PUS10: variants seen among roughly 807,000 people sequenced by gnomAD.
The protein encoded by PUS10 is pseudouridine synthase 10.
PUS10 carries 59 observed loss-of-function variants against 75.0 expected under a neutral mutation model. The observed-to-expected ratio is 0.79, with a 90% CI of 0.64 to 0.98. PUS10 has a LOEUF of 0.98. Among genes scored for constraint, PUS10 ranks in the 50% least tolerant of loss-of-function variants. The pLI is 0.00. For synonymous variants in PUS10, 219 were observed against 211.6 expected (o/e 1.03, Z -0.30); for missense variants, 650 against 614.4 (o/e 1.06, Z -0.61).
At chr2:60,944,426 G>A (rs1031427029) in intron 17 of PUS10, among the ~76,000 whole-genome samples, 4 of 152,158 alleles carry the variant, frequency 2.6e-5, no homozygotes, top group African/African-American at 4.8e-5. Context: ...GGAGAGGAGC[G>A]GGGGAGGTAC....
chr2:60,953,857 C>T (rs1675488144), intron 14 of PUS10, 76 bp downstream of exon 14: 2 of 1,069,318 alleles, frequency 1.9e-6, no homozygotes, highest in Admixed American at 3.5e-5. Context: ...ATTCTGGATG[C>T]AATTCCCTTA....
intron 2 of PUS10, 74 bp downstream of exon 2, chr2:61,011,691 A>C: frequency 4.3e-6 from 5 of 1,156,104 alleles, no homozygotes; most frequent in Non-Finnish European, 5.8e-6. Context: ...TGCCCTCAAA[A>C]GTACAAGCAT....
At chr2:60,965,566 C>G (rs1401637512) in intron 6 of PUS10, 82 bp from the exon 7 acceptor site, 1 of 1,009,784 alleles carries the variant, frequency 9.9e-7, no homozygotes, top group Non-Finnish European at 1.5e-6. Flanking sequence ...GAAATTAATT[C>G]TCAAAGATTG....
At chr2:61,008,617 A>T in intron 3 of PUS10, 144 bp downstream of exon 3, 1 of 637,098 alleles carries the variant, frequency 1.6e-6, no homozygotes, top group Non-Finnish European at 2.6e-6. Flanking sequence ...CTGTGATTGT[A>T]CCACTGCACT....
intron 16 of PUS10, 66 bp from the exon 17 acceptor site, chr2:60,945,174 G>A: frequency 1.0e-6 from 1 of 967,932 alleles, no homozygotes; most frequent in Non-Finnish European, 1.7e-6. Context: ...AGATTTGACA[G>A]GCAAAAATAA....
At chr2:60,974,234 G>A (rs1206863086) in intron 4 of PUS10, among the ~76,000 whole-genome samples, 1 of 72,554 alleles carries the variant, frequency 1.4e-5, no homozygotes. Context: ...TTTTTTTTTT[G>A]GAGATGGAGT....
intron 2 of PUS10, among the ~76,000 whole-genome samples, chr2:61,009,446 G>A (rs916264267): frequency 6.6e-6 from 1 of 152,098 alleles, no homozygotes; most frequent in African/African-American, 2.4e-5. Flanking sequence ...ATCACTGAAA[G>A]CTCACAAGTA....
intron 6 of PUS10, chr2:60,966,695 C>G (rs891834846): frequency 4.6e-5 from 7 of 152,270 alleles, no homozygotes; most frequent in Non-Finnish European, 8.8e-5. Context: ...GTTTTATTCT[C>G]TATTCTCTCA....
chr2:60,951,536 G>A (rs1285830742), intron 15 of PUS10, among the ~76,000 whole-genome samples: 2 of 152,188 alleles, frequency 1.3e-5, no homozygotes, highest in Admixed American at 1.3e-4. Flanking sequence ...TAAGGAGCAT[G>A]CAACCTAGAT....
intron 10 of PUS10, 72 bp from the exon 11 acceptor site, chr2:60,960,589 C>T (rs1211472142): frequency 1.4e-6 from 2 of 1,406,422 alleles, no homozygotes; most frequent in Non-Finnish European, 1.9e-6. Context: ...AGAGAAGCAA[C>T]AACTATAAGG....
intron 4 of PUS10, among the ~76,000 whole-genome samples, chr2:60,997,609 CAAAAA>C (rs559678211): frequency 1.3e-5 from 1 of 77,800 alleles, no homozygotes. Flanking sequence ...GACTCCATCT[CAAAAA>C]AAAAAAAAAA....
intron 16 of PUS10, among the ~76,000 whole-genome samples, chr2:60,947,828 C>CAAAAAAAAAAA (rs890632119): frequency 2.0e-4 from 9 of 45,936 alleles, no homozygotes; most frequent in East Asian, 5.5e-4. Context: ...GACTCTGCCT[C>CAAAAAAAAAAA]AAAAAAAAAA....
At chr2:60,997,321 C>G (rs1678536714) in intron 4 of PUS10, among the ~76,000 whole-genome samples, 1 of 152,128 alleles carries the variant, frequency 6.6e-6, no homozygotes, top group Non-Finnish European at 1.5e-5. Context: ...TTTAAAAGGA[C>G]TTAGTGGGGC....
intron 4 of PUS10, among the ~76,000 whole-genome samples, chr2:60,993,206 G>A (rs974509962): frequency 1.3e-5 from 2 of 152,114 alleles, no homozygotes; most frequent in African/African-American, 4.8e-5. Context: ...CCTGTAATCC[G>A]AGGACTTTGG....
chr2:60,945,913 G>T (rs1674917802), intron 16 of PUS10, among the ~76,000 whole-genome samples: 1 of 152,124 alleles, frequency 6.6e-6, no homozygotes, highest in Non-Finnish European at 1.5e-5. Context: ...GCATTTAGTA[G>T]AAAATAATTA....
intron 16 of PUS10, among the ~76,000 whole-genome samples, chr2:60,946,491 A>C (rs1303377279): frequency 6.6e-6 from 1 of 152,240 alleles, no homozygotes; most frequent in African/African-American, 2.4e-5. Flanking sequence ...TTGGCCCACC[A>C]GAACTAAAGG....
chr2:60,979,132 TACACATAC>T (rs1178483253), intron 4 of PUS10, among the ~76,000 whole-genome samples: 8 of 151,952 alleles, frequency 5.3e-5, no homozygotes, highest in African/African-American at 1.9e-4. Context: ...CACATACACA[TACACATAC>T]ACATACACAT....
chr2:61,004,614 G>C (rs1679079976), intron 4 of PUS10, among the ~76,000 whole-genome samples: 2 of 108,024 alleles, frequency 1.9e-5, no homozygotes, highest in South Asian at 3.1e-4. Flanking sequence ...GCGTGACAGA[G>C]ACAGACTCCG....
At chr2:61,017,885 T>G (rs1220033131) in intron 1 of PUS10, 123 bp downstream of exon 1, 1 of 1,540,950 alleles carries the variant, frequency 6.5e-7, no homozygotes, top group East Asian at 2.4e-5. Context: ...GTGAGTTTAG[T>G]GGGCCCGAGC....
Sources: gnomAD v4.1 joint callset for allele counts (sites outside exome capture counted in the v4.1 genomes callset) on GRCh38, gnomAD v4.1.1 for gene constraint, MANE v1.5 for transcripts, NCBI Gene and HGNC (gene_info 2026-07-23, HGNC 2026-07-21) for gene names.